Variants in ERBB4 observed in about 807,000 individuals in gnomAD.
The protein encoded by ERBB4 is receptor tyrosine-protein kinase erbB-4.
ERBB4 carries 42 observed loss-of-function variants against 158.0 expected under a neutral mutation model. The observed-to-expected ratio is 0.27, with a 90% CI of 0.21 to 0.34. The LOEUF (loss-of-function observed/expected upper bound fraction) is 0.34, where lower values mean the gene tolerates loss of function less well. ERBB4 is among the 10% of genes least tolerant of loss of function. The pLI is 1.00. For missense variants in ERBB4, 1,333 were observed against 1,624.1 expected (o/e 0.82, Z 3.08); for synonymous variants, 583 against 558.7 (o/e 1.04, Z -0.61).
Position 211,665,489 on chromosome 2 carries a change from A to C in ERBB4, c.1717-12T>G, listed in dbSNP as rs1380291957. The C allele has an allele frequency of 6.2e-7, 1 of 1,613,716 alleles. No individual in the cohort carries two copies. Among genetic ancestry groups the C allele is most frequent in the African/African-American group, 1.3e-5 (1 of 74,918 alleles). On this transcript the variant is annotated splice_polypyrimidine_tract_variant and intron_variant, in intron 14 of 27. Transcript: ENST00000342788. ...CAGTTGTCAGGACCCTGAAATGTGAAAACGAAAAAAAAAGAAAAAAGAAAA... is the reference window on the plus strand; with the variant it reads ...CAGTTGTCAGGACCCTGAAATGTGACAACGAAAAAAAAAGAAAAAAGAAAA...
intron 25 of ERBB4, among the ~76,000 whole-genome samples, chr2:211,395,151 TTTTC>T (rs2062883935): frequency 1.3e-5 from 2 of 152,074 alleles, no homozygotes; most frequent in East Asian, 3.9e-4. Context: ...ACTCATCGCT[TTTTC>T]TTTCCTTTTT....
chr2:211,449,583 A>T (rs17804031), intron 20 of ERBB4, among the ~76,000 whole-genome samples: 64,190 of 150,664 alleles, frequency 0.43, 14,156 homozygotes, highest in Middle Eastern at 0.48. Flanking sequence ...GAAAGCACAC[A>T]TACCATCTGT....
At chr2:211,541,677 A>T (rs10185819) in intron 20 of ERBB4, among the ~76,000 whole-genome samples, 72,673 of 151,840 alleles carry the variant, frequency 0.48, 17,729 homozygotes, top group East Asian at 0.72. Flanking sequence ...TAGCTGTTGC[A>T]ATTTCCACTC....
intron 2 of ERBB4, among the ~76,000 whole-genome samples, chr2:212,008,082 T>A (rs1201782350): frequency 6.6e-6 from 1 of 152,070 alleles, no homozygotes; most frequent in Admixed American, 6.5e-5. Flanking sequence ...AAGTTAACAT[T>A]TTTCATTTGA....
At chr2:212,362,430 C>G (rs1220451775) in intron 1 of ERBB4, among the ~76,000 whole-genome samples, 1 of 151,080 alleles carries the variant, frequency 6.6e-6, no homozygotes, top group East Asian at 1.9e-4. Context: ...ACTGCAAGCC[C>G]ATTTTGATGT....
intron 3 of ERBB4, among the ~76,000 whole-genome samples, chr2:211,896,547 T>C (rs1168627035): frequency 6.6e-6 from 1 of 152,162 alleles, no homozygotes; most frequent in East Asian, 1.9e-4. Flanking sequence ...TTTCTTTATT[T>C]CTACCTTTTC....
intron 2 of ERBB4, among the ~76,000 whole-genome samples, chr2:212,113,573 CAAAAAAAAAAAAAAA>C (rs35545899): frequency 1.1e-3 from 69 of 64,250 alleles, no homozygotes; most frequent in Admixed American, 3.0e-3. Flanking sequence ...GACTCCATCT[CAAAAAAAAAAAAAAA>C]AAAAAAAAAA....
intron 2 of ERBB4, among the ~76,000 whole-genome samples, chr2:212,099,796 T>C (rs1013282748): frequency 9.9e-5 from 15 of 151,792 alleles, no homozygotes; most frequent in African/African-American, 3.6e-4. Context: ...GTTCTCTCTC[T>C]CTCCCTCTCT....
At chr2:211,477,678 C>T (rs1324296518) in intron 20 of ERBB4, among the ~76,000 whole-genome samples, 1 of 151,926 alleles carries the variant, frequency 6.6e-6, no homozygotes, top group Non-Finnish European at 1.5e-5. Flanking sequence ...GCAAAAGAAA[C>T]TAGAGAAGGA....
chr2:212,140,562 A>C (rs1356970357), intron 1 of ERBB4, among the ~76,000 whole-genome samples: 1 of 150,634 alleles, frequency 6.6e-6, no homozygotes, highest in Admixed American at 6.6e-5. Context: ...ACAGACAAAC[A>C]TTCTATAATA....
Position 212,133,411 on chromosome 2 carries a change from TG to T in ERBB4, c.83-8509del, listed in dbSNP as rs200050116. 5.4e-3 allele frequency among the ~76,000 whole-genome samples: 783 copies of T among 145,198 alleles called. 11 individuals are homozygous for T. The highest frequency in any genetic ancestry group is 0.02 in the African/African-American group (747 of 37,130). On this transcript the variant is annotated intron_variant, in intron 1 of 27. Transcript: ENST00000342788. The stretch of plus-strand genomic sequence containing the variant: ...TCATTTTGGTGTTTTTTTTTTGTTT[TG>T]TTTTGTTTTTGTTTTTTTTTTTGCT...
intron 1 of ERBB4, among the ~76,000 whole-genome samples, chr2:212,259,769 A>C (rs770480817): frequency 1.3e-5 from 2 of 152,130 alleles, no homozygotes; most frequent in Non-Finnish European, 2.9e-5. Context: ...ATAACAGAGA[A>C]TAAGAAATAT....
At chr2:211,509,777 G>T (rs1178374998) in intron 20 of ERBB4, among the ~76,000 whole-genome samples, 1 of 152,058 alleles carries the variant, frequency 6.6e-6, no homozygotes, top group Non-Finnish European at 1.5e-5. Flanking sequence ...TAAAAAGTGG[G>T]CAGAGGACAG....
intron 1 of ERBB4, among the ~76,000 whole-genome samples, chr2:212,157,364 A>G (rs1318288756): frequency 6.6e-6 from 1 of 152,032 alleles, no homozygotes; most frequent in Non-Finnish European, 1.5e-5. Context: ...TTTTTATTGT[A>G]TTTATTAGAT....
intron 1 of ERBB4, among the ~76,000 whole-genome samples, chr2:212,144,801 A>G (rs905094385): frequency 2.0e-5 from 3 of 152,212 alleles, no homozygotes; most frequent in Non-Finnish European, 2.9e-5. Flanking sequence ...AGATTTGTAC[A>G]TGTAAGCCTA....
rs550772278 is a variant in ERBB4 at position 212,074,069 on chromosome 2, T to C, written c.234+50683A>G. 2.0e-5 allele frequency among the ~76,000 whole-genome samples: 3 copies of C among 152,178 alleles called. No homozygotes were observed. The East Asian group carries it at 5.8e-4, about 29-fold the overall frequency. Reference sequence around the variant, plus strand: ...ACATGGACTTGTCCATTGGCCTATGTACATTCTACTGAAGGTGAAGCATGA... The same window carrying C: ...ACATGGACTTGTCCATTGGCCTATGCACATTCTACTGAAGGTGAAGCATGA... On this transcript the variant is annotated intron_variant, in intron 2 of 27. Coordinates refer to ENST00000342788, the MANE Select transcript of ERBB4 (RefSeq NM_005235.3).
At chr2:212,384,845 G>A (rs1343372187) in intron 1 of ERBB4, among the ~76,000 whole-genome samples, 3 of 144,724 alleles carry the variant, frequency 2.1e-5, no homozygotes, top group South Asian at 2.1e-4. Context: ...TGTTGTAAAT[G>A]CAAAGGAAGA....
chr2:212,299,323 G>T (rs576885218), intron 1 of ERBB4, among the ~76,000 whole-genome samples: 2 of 151,696 alleles, frequency 1.3e-5, no homozygotes, highest in East Asian at 3.9e-4. Context: ...TGGTATTAAT[G>T]CTGGCCAATC....
chr2:211,657,700 CATG>C, intron 16 of ERBB4, 51 bp downstream of exon 16: 1 of 1,350,682 alleles, frequency 7.4e-7, no homozygotes, highest in Admixed American at 1.7e-5. Flanking sequence ...ACTTTTTGTT[CATG>C]ATAACTAGGA....
Sources: allele counts gnomAD v4.1 joint callset (sites outside exome capture counted in the v4.1 genomes callset), GRCh38; gene constraint gnomAD v4.1.1; transcripts MANE v1.5; gene names NCBI Gene and HGNC (gene_info 2026-07-23, HGNC 2026-07-21).